The following GRIN2C variants were observed in gnomAD, a reference collection of about 807,000 sequenced individuals.
The protein encoded by GRIN2C is glutamate ionotropic receptor NMDA type subunit 2C, also known as glutamate receptor ionotropic, NMDA 2C.
A neutral mutation model predicts 77.7 loss-of-function variants in GRIN2C; 64 were observed. That is an observed-to-expected ratio of 0.82 (90% confidence interval 0.67 to 1.01). The LOEUF (loss-of-function observed/expected upper bound fraction) is 1.01, where lower values mean the gene tolerates loss of function less well. GRIN2C is among the 50% of genes least tolerant of loss of function. The pLI, the probability that GRIN2C is intolerant of heterozygous loss-of-function variation, is 0.00. For synonymous variants in GRIN2C, 792 were observed against 643.4 expected (o/e 1.23, Z -3.49); for missense variants, 1,549 against 1,486.0 (o/e 1.04, Z -0.70).
In GRIN2C at chr17:74,854,688, AT is replaced by A; in HGVS notation, c.399+5del. ...GGCACGAGGGGACATGAGTTTGGAC[AT>A]GCACCTTGGGGGTGAGGACCACAGC... On this transcript the variant is annotated splice_donor_5th_base_variant and intron_variant, in intron 2 of 12. Transcript: ENST00000293190. 1 of 1,601,530 alleles carries A rather than the reference AT, an allele frequency of 6.2e-7. No homozygotes were observed. Among genetic ancestry groups the A allele is most frequent in the African/African-American group, 1.3e-5 (1 of 74,852 alleles).
chr17:74,844,138 T>G, intron 12 of GRIN2C, 138 bp downstream of exon 12: 1 of 1,439,062 alleles, frequency 6.9e-7, no homozygotes. Flanking sequence ...CCTCTCAAAG[T>G]GTTGAGATTA....
rs2144613397 is a variant in GRIN2C, at chr17:74,854,748, G to T, written c.345C>A (p.Thr115=). Residue 115 remains threonine, a synonymous_variant, in exon 2 of 13, where the codon ACC becomes ACA. Coordinates refer to ENST00000293190, the MANE Select transcript of GRIN2C (RefSeq NM_000835.6). The part of the protein sequence containing the change: ...AQILDFISSQ[T]HVPILSISGG... ...CGCTGATGCTGAGGATGGGCACATG[G>T]GTCTGGGAGGAGATGAAGTCAAGGA... 2 of 1,613,236 alleles carry T rather than the reference G, an allele frequency of 1.2e-6. No individual in the cohort carries two copies. Among genetic ancestry groups the T allele is most frequent in the South Asian group, 1.1e-5 (1 of 90,980 alleles).
chr17:74,845,491 A>G (rs1250728809), intron 11 of GRIN2C, among the ~76,000 whole-genome samples: 1 of 151,902 alleles, frequency 6.6e-6, no homozygotes, highest in African/African-American at 2.4e-5. Flanking sequence ...GCTGGTCTCA[A>G]ACTCTTGACT....
In GRIN2C at chr17:74,849,412, C is replaced by G. The variant is rs1214200442; in HGVS notation, c.1645+368G>C. On this transcript the variant is annotated intron_variant, in intron 7 of 12. Coordinates refer to ENST00000293190, the MANE Select transcript of GRIN2C (RefSeq NM_000835.6). The surrounding 1 kb of genome is among the most constrained non-coding windows in gnomAD (Gnocchi z 4.6). ...GCCGGACTCCTCACCCAGGAAGCAACACACCTCTTCGCACACTACACTCGC... is the reference window on the plus strand; with the variant it reads ...GCCGGACTCCTCACCCAGGAAGCAAGACACCTCTTCGCACACTACACTCGC... Among the ~76,000 whole-genome samples the G allele has an allele frequency of 3.9e-5, 6 of 152,324 alleles. No individual in the cohort carries two copies. The highest frequency in any genetic ancestry group is 2.6e-4 in the Admixed American group (4 of 15,306).
chr17:74,858,428 T>C (rs1299773706), intron 1 of GRIN2C, among the ~76,000 whole-genome samples: 2 of 151,756 alleles, frequency 1.3e-5, no homozygotes, highest in African/African-American at 4.8e-5. Context: ...GATCCCAGAA[T>C]ACCTCCAGAG....
In GRIN2C at chr17:74,847,829, T is replaced by G; in HGVS notation, c.1771+23A>C. The G allele has an allele frequency of 6.2e-7, 1 of 1,613,506 alleles. No individual in the cohort carries two copies. Among genetic ancestry groups the G allele is most frequent in the Non-Finnish European group, 8.5e-7 (1 of 1,179,666 alleles). On this transcript the variant is annotated intron_variant, in intron 8 of 12. Coordinates refer to ENST00000293190, the MANE Select transcript of GRIN2C (RefSeq NM_000835.6). This position sits in a 1 kb window ranked among gnomAD's most constrained non-coding sequence, Gnocchi z 5.2. ...TCAGGGTGCCCAGGCCCACCCCTCC[T>G]GCCGGGCCCAGGCAAGGCTTACTCT...
chr17:74,851,945 T>C (rs1287641944), intron 3 of GRIN2C, 68 bp downstream of exon 3: 1 of 1,261,676 alleles, frequency 7.9e-7, no homozygotes, highest in Non-Finnish European at 1.1e-6. Context: ...CAGCCCAAAC[T>C]CACTGCCAGC....
Position 74,847,416 on chromosome 17 carries a change from G to C in GRIN2C, c.1893C>G (p.Val631=). 1 of 1,614,132 alleles carries C rather than the reference G, an allele frequency of 6.2e-7. No homozygotes were observed. Among genetic ancestry groups the C allele is most frequent in the South Asian group, 1.1e-5 (1 of 91,078 alleles). ...GGAAGATGACAGCAAAGAAGGCCCA[G>C]ACCAGAACCATGATCTTGCTGGTGG... The part of the protein sequence containing the change: ...RGTTSKIMVL[V]WAFFAVIFLA... The change falls in exon 9 of 13, where the codon GTC becomes GTG. Residue 631 remains valine (V), a synonymous_variant. Transcript: ENST00000293190. The surrounding 1 kb of genome is among the most constrained non-coding windows in gnomAD (Gnocchi z 5.2).
Position 74,849,852 on chromosome 17 carries a change from G to A in GRIN2C, c.1573C>T (p.Pro525Ser). ...ACACTGATGCCCGTCTCCACAAAGG[G>A]TACAGAGAAGTCTACGATCTCGGAG... ...ERSEIVDFSVPFVETGISVMV... is the reference protein window; with the variant it reads ...ERSEIVDFSVSFVETGISVMV... The change falls in exon 7 of 13, where the codon CCC becomes TCC. Residue 525 changes from proline to serine, a missense_variant. Physicochemically the swap from Pro to Ser is moderately conservative, Grantham distance 74. Around this residue, in one of 3 missense-constraint regions of GRIN2C, gnomAD observed 717 missense variants for 858.1 expected, o/e 0.84. Coordinates refer to ENST00000293190, the MANE Select transcript of GRIN2C (RefSeq NM_000835.6). The surrounding 1 kb of genome is among the most constrained non-coding windows in gnomAD (Gnocchi z 4.6). The A allele has an allele frequency of 1.2e-6, 2 of 1,613,468 alleles. No individual in the cohort carries two copies. Among genetic ancestry groups the A allele is most frequent in the East Asian group, 2.2e-5 (1 of 44,882 alleles).
Position 74,842,249 on chromosome 17 carries a change from C to T in GRIN2C, c.*186G>A. 1.8e-6 allele frequency: 1 copy of T among 564,108 alleles called. No individual in the cohort carries two copies. Among genetic ancestry groups the T allele is most frequent in the Non-Finnish European group, 3.1e-6 (1 of 319,538 alleles). The allele number at this position is 564,108 out of a possible 1,614,324, so 34.9% of individuals were successfully genotyped here. The stretch of plus-strand genomic sequence containing the variant: ...CTGCGTGAGAAGAGGACAGCAAAAG[C>T]CCAGCCCTCACCATGATTTGAGGCT... On this transcript the variant is annotated 3_prime_UTR_variant, in exon 13 of 13. Coordinates refer to ENST00000293190, the MANE Select transcript of GRIN2C (RefSeq NM_000835.6).
At chr17:74,858,996 C>A (rs1234175273) in intron 1 of GRIN2C, among the ~76,000 whole-genome samples, 1 of 152,096 alleles carries the variant, frequency 6.6e-6, no homozygotes, top group East Asian at 1.9e-4. Flanking sequence ...GGGGCACCTG[C>A]CCTTCTTCCC....
At position 74,850,171 on chromosome 17, in the gene GRIN2C, C is replaced by T. The variant is rs2144584579; in HGVS notation, c.1491+35G>A. 6.2e-7 allele frequency: 1 copy of T among 1,608,308 alleles called. No individual in the cohort carries two copies. The highest frequency in any genetic ancestry group is 8.5e-7 in the Non-Finnish European group (1 of 1,177,160). ...GGGGCCTGGGCAGCAGGTGGGCAGG[C>T]AGGGCAGGTGAGGAGGGAGTGGGGT... On this transcript the variant is annotated intron_variant, in intron 6 of 12. Transcript: ENST00000293190. This position sits in a 1 kb window ranked among gnomAD's most constrained non-coding sequence, Gnocchi z 5.3.
At chr17:74,858,975 G>A (rs1027542864) in intron 1 of GRIN2C, among the ~76,000 whole-genome samples, 2 of 152,274 alleles carry the variant, frequency 1.3e-5, no homozygotes, top group East Asian at 3.9e-4. Flanking sequence ...CGCAGGGACT[G>A]CGGCCAGGCT....
intron 11 of GRIN2C, among the ~76,000 whole-genome samples, chr17:74,845,521 C>G (rs2037429025): frequency 6.6e-6 from 1 of 151,550 alleles, no homozygotes; most frequent in Non-Finnish European, 1.5e-5. Flanking sequence ...CCTCCCACCT[C>G]AGCCTCCCAA....
At chr17:74,858,201 G>A (rs2037865784) in intron 1 of GRIN2C, among the ~76,000 whole-genome samples, 1 of 152,030 alleles carries the variant, frequency 6.6e-6, no homozygotes, top group South Asian at 2.1e-4. Context: ...CTTAGCCAAG[G>A]ACCTAGAGCT....
chr17:74,850,036 C>CA lies in GRIN2C; in HGVS notation c.1492-104dup. 7.2e-7 allele frequency: 1 copy of CA among 1,397,438 alleles called. No homozygotes were observed. Among genetic ancestry groups the CA allele is most frequent in the Non-Finnish European group, 9.9e-7 (1 of 1,014,822 alleles). The allele number at this position is 1,397,438 out of a possible 1,614,324, so 86.6% of individuals were successfully genotyped here. The stretch of plus-strand genomic sequence containing the variant: ...CCCTTCTAGCACCCACCAGCTGAGT[C>CA]AATCATTCCCTCTGGGGCCCTCAGA... On this transcript the variant is annotated intron_variant, in intron 6 of 12. Transcript: ENST00000293190. This position sits in a 1 kb window ranked among gnomAD's most constrained non-coding sequence, Gnocchi z 5.3.
chr17:74,842,912 C>T lies in GRIN2C; in HGVS notation c.3225G>A (p.Ser1075=), dbSNP rs2037337286. 1 of 570,852 alleles carries T rather than the reference C, an allele frequency of 1.8e-6. No individual in the cohort carries two copies. Among genetic ancestry groups the T allele is most frequent in the Non-Finnish European group, 3.1e-6 (1 of 324,928 alleles). 35.4% of individuals were successfully genotyped at this position (570,852 alleles called of 1,614,324 possible). Residue 1075 remains serine (S), a synonymous_variant, in exon 13 of 13, where the codon TCG becomes TCA. Coordinates refer to ENST00000293190, the MANE Select transcript of GRIN2C (RefSeq NM_000835.6). ...ALLHAAWARG[S]RPRHASLPSS... is the part of the protein sequence containing the mutation. ...TGGGCAGGGAAGCGTGACGCGGGCG[C>T]GAGCCCCGGGCCCAGGCCGCGTGCA...
Position 74,843,020 on chromosome 17 carries a change from G to A in GRIN2C, c.3117C>T (p.Gly1039=), listed in dbSNP as rs913679364. Residue 1039 remains glycine, a synonymous_variant, in exon 13 of 13, where the codon GGC becomes GGT. Transcript: ENST00000293190. ...CCGGGAAGAGCGGGAGGAAGGGGCG[G>A]CCGGATCGGTCGGCTCGAGGAAAGG... The part of the protein sequence containing the change: ...YSSFPRADRS[G]RPFLPLFPEL... 4.1e-6 allele frequency: 2 copies of A among 493,540 alleles called. No individual in the cohort carries two copies. The highest frequency in any genetic ancestry group is 2.9e-5 in the South Asian group (1 of 34,296). 30.6% of individuals were successfully genotyped at this position (493,540 alleles called of 1,614,324 possible).
At chr17:74,845,939 C>T in intron 11 of GRIN2C, 127 bp downstream of exon 11, 2 of 858,262 alleles carry the variant, frequency 2.3e-6, no homozygotes, top group South Asian at 1.5e-5. Context: ...CCTCAGCTGC[C>T]CCAACCTCTC....
Sources: gnomAD v4.1 joint callset for allele counts (sites outside exome capture counted in the v4.1 genomes callset) on GRCh38, gnomAD v4.1.1 for gene constraint, gnomAD v4.1.1 regional missense constraint, Gnocchi (gnomAD v3.1) non-coding constraint, MANE v1.5 for transcripts, NCBI Gene and HGNC (gene_info 2026-07-23, HGNC 2026-07-21) for gene names.